THOC5: variants seen among roughly 807,000 people sequenced by gnomAD.
The protein encoded by THOC5 is Fms-interacting protein.
In THOC5, 43 loss-of-function variants were observed where a neutral mutation model predicts 92.9. The observed-to-expected ratio is 0.46, with a 90% CI of 0.36 to 0.60. The LOEUF (loss-of-function observed/expected upper bound fraction) is 0.60, where lower values mean the gene tolerates loss of function less well. Among genes scored for constraint, THOC5 ranks in the 20% least tolerant of loss-of-function variants. The pLI is 0.00. For synonymous variants in THOC5, 296 were observed against 320.1 expected, an observed-to-expected ratio of 0.92 and a Z score of 0.80; for missense variants, 659 against 849.4, an observed-to-expected ratio of 0.78 and a Z score of 2.79.
chr22:29,532,013 CA>C (rs1362618425), intron 7 of THOC5, 50 bp from the exon 8 acceptor site: 10 of 1,592,294 alleles, frequency 6.3e-6, no homozygotes, highest in Non-Finnish European at 8.6e-6. Flanking sequence ...CCAGTCCACA[CA>C]GGAAAAAGTG....
chr22:29,536,572 TG>T, intron 7 of THOC5, 51 bp downstream of exon 7: 1 of 1,090,682 alleles, frequency 9.2e-7, no homozygotes, highest in Non-Finnish European at 1.4e-6. Context: ...ACATGACTTC[TG>T]GCAGCGCCTG....
At chr22:29,549,304 G>C (rs1259568455) in intron 1 of THOC5, 146 bp from the exon 2 acceptor site, 11 of 661,352 alleles carry the variant, frequency 1.7e-5, no homozygotes, top group Non-Finnish European at 2.9e-5. Context: ...TAATACAACA[G>C]GGAAGCATCT....
chr22:29,528,755 T>C (rs2063594298), intron 9 of THOC5, among the ~76,000 whole-genome samples: 1 of 152,142 alleles, frequency 6.6e-6, no homozygotes, highest in South Asian at 2.1e-4. Flanking sequence ...GTGGTAATAA[T>C]AGTAACACAA....
intron 17 of THOC5, 81 bp from the exon 18 acceptor site, chr22:29,512,217 G>A: frequency 9.4e-7 from 1 of 1,068,136 alleles, no homozygotes; most frequent in Non-Finnish European, 1.4e-6. Flanking sequence ...CTGCACCCCT[G>A]AGGCTAGCTC....
At chr22:29,519,312 T>C (rs2063393398) in intron 14 of THOC5, among the ~76,000 whole-genome samples, 192 bp from the exon 15 acceptor site, 1 of 152,226 alleles carries the variant, frequency 6.6e-6, no homozygotes, top group African/African-American at 2.4e-5. Flanking sequence ...CAACACAATA[T>C]GCTGCGTTCT....
At chr22:29,522,889 T>C (rs1273448612) in intron 12 of THOC5, among the ~76,000 whole-genome samples, 1 of 152,082 alleles carries the variant, frequency 6.6e-6, no homozygotes, top group East Asian at 1.9e-4. Flanking sequence ...TAGTCCCAGC[T>C]ACTTGGGAGG....
At chr22:29,526,033 G>A in intron 11 of THOC5, 87 bp from the exon 12 acceptor site, 4 of 515,578 alleles carry the variant, frequency 7.8e-6, no homozygotes, top group South Asian at 6.4e-5. Context: ...AGGTGGGGGG[G>A]TCAAGTGTTG....
intron 1 of THOC5, among the ~76,000 whole-genome samples, chr22:29,552,444 C>A (rs1165142465): frequency 3.3e-5 from 5 of 151,800 alleles, no homozygotes; most frequent in Non-Finnish European, 7.4e-5. Context: ...GCGACCCCGT[C>A]TGGGAGGTGA....
Position 29,528,435 on chromosome 22 carries a change from C to T in THOC5, c.957G>A (p.Glu319=). ...AGGAAATGGTTCTCACCGTAGTCTG[C>T]TCCTCCTCGGCATCTGAGTCACTCT... ...DDESDSDAEE[E]QTTKRRRPTL... The change falls in exon 10 of 20, where the codon GAG becomes GAA. Residue 319 remains glutamate (E), a synonymous_variant. Transcript: ENST00000490103. 6.2e-7 allele frequency: 1 copy of T among 1,613,730 alleles called. No homozygotes were observed.
chr22:29,510,512 C>T (rs756093073), intron 19 of THOC5, among the ~76,000 whole-genome samples: 1 of 152,078 alleles, frequency 6.6e-6, no homozygotes, highest in East Asian at 1.9e-4. Context: ...GCGGAAGGAT[C>T]GTTTGAGCTC....
chr22:29,536,873 C>T, intron 6 of THOC5, 135 bp from the exon 7 acceptor site: 1 of 643,674 alleles, frequency 1.6e-6, no homozygotes, highest in Non-Finnish European at 2.8e-6. Context: ...CAATGTGTGC[C>T]AGGTACTTTG....
chr22:29,532,965 A>T lies in THOC5; in HGVS notation c.715-1002T>A, dbSNP rs117048784. Among the ~76,000 whole-genome samples, 1,475 of 152,334 alleles carry T rather than the reference A, an allele frequency of 9.7e-3. 11 individuals are homozygous for T. Among genetic ancestry groups the T allele is most frequent in the Non-Finnish European group, 0.015 (1,048 of 68,032 alleles). On this transcript the variant is annotated intron_variant, in intron 7 of 19. Coordinates refer to ENST00000490103, the MANE Select transcript of THOC5 (RefSeq NM_003678.5). ...TGCACTCCAGCCTGGGCAAGAGAGC[A>T]AGACCCTGCCTCAAAATAAAACAAA... is the stretch of plus-strand genomic sequence containing the variant.
Position 29,531,888 on chromosome 22 carries a change from G to C in THOC5, c.790C>G (p.Leu264Val). The change falls in exon 8 of 20, where the codon CTG becomes GTG. Residue 264 changes from leucine (L) to valine (V), a missense_variant. Transcript: ENST00000490103. Reference sequence around the variant, plus strand: ...AAGAGGACATAGAGGGGAGGCGGCAGGTGTCTGGCTGTCTCATACTGCTTG... The same window carrying C: ...AAGAGGACATAGAGGGGAGGCGGCACGTGTCTGGCTGTCTCATACTGCTTG... The part of the protein sequence containing the change: ...AHKQYETARH[L>V]PPPLYVLFVQ... 6.2e-7 allele frequency: 1 copy of C among 1,614,190 alleles called. No individual in the cohort carries two copies. The highest frequency in any genetic ancestry group is 8.5e-7 in the Non-Finnish European group (1 of 1,180,046).
At chr22:29,548,706 C>G (rs2146569143) in intron 2 of THOC5, among the ~76,000 whole-genome samples, 1 of 152,284 alleles carries the variant, frequency 6.6e-6, no homozygotes, top group Non-Finnish European at 1.5e-5. Context: ...GGTATTGTCT[C>G]AGCAGCACAC....
intron 17 of THOC5, among the ~76,000 whole-genome samples, chr22:29,512,652 A>T (rs147064511): frequency 6.6e-4 from 100 of 152,318 alleles, no homozygotes; most frequent in African/African-American, 2.3e-3. Flanking sequence ...ACTGTGCTAA[A>T]CCCTCTAGAC....
At chr22:29,552,732 G>A (rs1467765462) in intron 1 of THOC5, among the ~76,000 whole-genome samples, 1 of 152,186 alleles carries the variant, frequency 6.6e-6, no homozygotes, top group Non-Finnish European at 1.5e-5. Flanking sequence ...CACCCCGTCT[G>A]GGAGGTGTAC....
At position 29,542,915 on chromosome 22, in the gene THOC5, G is replaced by A. The variant is rs1160112949; in HGVS notation, c.396C>T (p.Asn132=). The A allele has an allele frequency of 1.9e-6, 3 of 1,613,436 alleles. No homozygotes were observed. The highest frequency in any genetic ancestry group is 1.6e-4 in the Middle Eastern group (1 of 6,062). The part of the protein sequence containing the change: ...KVDAYHLQLQ[N]LLYEVMHLQK... ...GTAGGTGCATCACCTCATACAACAG[G>A]TTCTGGAGCTGCAGATGATAGGCAT... The change falls in exon 5 of 20, where the codon AAC becomes AAT. Residue 132 remains asparagine (N), a synonymous_variant. Coordinates refer to ENST00000490103, the MANE Select transcript of THOC5 (RefSeq NM_003678.5).
At chr22:29,534,842 C>G (rs1340840415) in intron 7 of THOC5, 1 of 151,016 alleles carries the variant, frequency 6.6e-6, no homozygotes, top group East Asian at 2.0e-4. Context: ...GCTTGTAGTT[C>G]TAGCTACTCA....
intron 19 of THOC5, among the ~76,000 whole-genome samples, chr22:29,510,551 G>C (rs1222055811): frequency 6.6e-6 from 1 of 152,102 alleles, no homozygotes; most frequent in Non-Finnish European, 1.5e-5. Context: ...GGCTACAGTG[G>C]GCTATGATCA....
Sources: allele counts gnomAD v4.1 joint callset (sites outside exome capture counted in the v4.1 genomes callset), GRCh38; gene constraint gnomAD v4.1.1; transcripts MANE v1.5; gene names NCBI Gene and HGNC (gene_info 2026-07-23, HGNC 2026-07-21).